NRG1: variants seen among roughly 807,000 people sequenced by gnomAD.
NRG1 encodes neuregulin 1.
Under a neutral mutation model 63.8 loss-of-function variants are expected in NRG1, and 18 were observed. That is an observed-to-expected ratio of 0.28 (90% confidence interval 0.19 to 0.42). NRG1 has a LOEUF of 0.42. Among genes scored for constraint, NRG1 ranks in the 10% least tolerant of loss-of-function variants. NRG1 has a pLI of 1.00. For missense variants in NRG1, 762 were observed against 814.7 expected (o/e 0.94, Z 0.79); for synonymous variants, 302 against 301.3 (o/e 1.00, Z -0.02).
chr8:31,856,830 C>G (rs768411784), intron 1 of NRG1, among the ~76,000 whole-genome samples: 1 of 152,206 alleles, frequency 6.6e-6, no homozygotes, highest in African/African-American at 2.4e-5. Flanking sequence ...TTCCTTCTAA[C>G]AGACAGGACC....
intron 1 of NRG1, among the ~76,000 whole-genome samples, chr8:32,265,405 C>T (rs1013701643): frequency 1.6e-4 from 24 of 151,996 alleles, no homozygotes; most frequent in Non-Finnish European, 3.1e-4. Context: ...TGATATTTAT[C>T]ATAGCTATAT....
chr8:32,196,153 A>G (rs1305936421), intron 1 of NRG1, among the ~76,000 whole-genome samples: 48 of 62,418 alleles, frequency 7.7e-4, no homozygotes, highest in Non-Finnish European at 1.5e-3. Context: ...GTGTGTGTGT[A>G]TTGGAAAGCA....
intron 1 of NRG1, among the ~76,000 whole-genome samples, chr8:31,942,772 AC>A (rs1801945682): frequency 6.6e-6 from 1 of 152,180 alleles, no homozygotes; most frequent in Admixed American, 6.5e-5. Context: ...CAAATGGCCA[AC>A]AAGCATATGG....
rs577364894 is a variant in NRG1 at position 32,151,590 on chromosome 8, A to G, written c.38-444238A>G. On this transcript the variant is annotated intron_variant, in intron 1 of 10. Coordinates refer to the NRG1 transcript ENST00000519301. ...GAAAACTTGAGTGGTGAACGGGAAA[A>G]TCTGTGAGGATCGGAAATGTAAGTC... is the stretch of plus-strand genomic sequence containing the variant. 4.5e-4 allele frequency among the ~76,000 whole-genome samples: 68 copies of G among 152,208 alleles called. 1 individual carries two copies. Among genetic ancestry groups the G allele is most frequent in the African/African-American group, 1.6e-3 (67 of 41,540 alleles).
chr8:32,548,893 G>C (rs1833514151), intron 1 of NRG1, 67 bp downstream of exon 1: 3 of 1,479,582 alleles, frequency 2.0e-6, no homozygotes, highest in Middle Eastern at 2.3e-4. Flanking sequence ...CCTCCTCCTC[G>C]GATGCCGTGG....
At chr8:31,787,190 A>C (rs553622098) in intron 1 of NRG1, among the ~76,000 whole-genome samples, 14 of 152,336 alleles carry the variant, frequency 9.2e-5, no homozygotes, top group Admixed American at 9.2e-4. Flanking sequence ...AAAAATACTA[A>C]ATTATAATAC....
intron 1 of NRG1, among the ~76,000 whole-genome samples, chr8:32,147,681 C>G (rs570107128): frequency 6.6e-6 from 1 of 152,150 alleles, no homozygotes; most frequent in African/African-American, 2.4e-5. Context: ...CTAACTCTAT[C>G]ACTGTCTTCT....
chr8:32,478,520 C>T, intron 1 of NRG1, among the ~76,000 whole-genome samples: 1 of 152,000 alleles, frequency 6.6e-6, no homozygotes, highest in East Asian at 1.9e-4. Flanking sequence ...GCAAACAAGC[C>T]AAAAAGAAAT....
At chr8:32,757,762 T>C (rs1241187848) in intron 9 of NRG1, among the ~76,000 whole-genome samples, 1 of 152,212 alleles carries the variant, frequency 6.6e-6, no homozygotes, top group Non-Finnish European at 1.5e-5. Context: ...TTCTTCAATA[T>C]AAAAACAGAC....
At chr8:32,248,356 A>C (rs1362325641) in intron 1 of NRG1, among the ~76,000 whole-genome samples, 1 of 152,110 alleles carries the variant, frequency 6.6e-6, no homozygotes, top group Non-Finnish European at 1.5e-5. Flanking sequence ...CACAACTTTT[A>C]ATAGCCATGC....
At chr8:32,142,872 C>T (rs1181404508) in intron 1 of NRG1, among the ~76,000 whole-genome samples, 11 of 152,058 alleles carry the variant, frequency 7.2e-5, no homozygotes, top group Non-Finnish European at 1.5e-5. Context: ...GAAAAGAATA[C>T]GTGTTAGAAT....
intron 5 of NRG1, among the ~76,000 whole-genome samples, chr8:32,680,342 G>A (rs1460707594): frequency 2.6e-5 from 4 of 152,136 alleles, no homozygotes; most frequent in African/African-American, 7.2e-5. Context: ...AGGGGTACCT[G>A]GGATGCTGAA....
At chr8:32,263,671 T>G (rs1850622763) in intron 1 of NRG1, among the ~76,000 whole-genome samples, 1 of 152,160 alleles carries the variant, frequency 6.6e-6, no homozygotes, top group South Asian at 2.1e-4. Context: ...TAAAAAAATA[T>G]TTTCCCCATA....
intron 1 of NRG1, among the ~76,000 whole-genome samples, chr8:32,267,337 T>C (rs1851085788): frequency 6.6e-6 from 1 of 152,212 alleles, no homozygotes; most frequent in Non-Finnish European, 1.5e-5. Flanking sequence ...AAATCCACTA[T>C]TCTTTGGAAA....
Position 32,754,490 on chromosome 8 carries a change from C to G in NRG1, c.794+16C>G, listed in dbSNP as rs1486736220. ...GCAAAACCAAGTAAACCTTCTTTCT[C>G]CATGCCTTTCTCTCTCCTTCATGCA... On this transcript the variant is annotated intron_variant, in intron 8 of 11. Transcript: ENST00000356819. The G allele has an allele frequency of 6.2e-7, 1 of 1,610,508 alleles. No homozygotes were observed. Among genetic ancestry groups the G allele is most frequent in the South Asian group, 1.1e-5 (1 of 90,598 alleles).
chr8:32,059,038 T>A (rs1056207727), intron 1 of NRG1, among the ~76,000 whole-genome samples: 1 of 152,104 alleles, frequency 6.6e-6, no homozygotes, highest in Non-Finnish European at 1.5e-5. Context: ...AATCATTTAA[T>A]GTTAGGTAAA....
chr8:31,825,508 T>C (rs1824461969), intron 1 of NRG1, among the ~76,000 whole-genome samples: 1 of 152,002 alleles, frequency 6.6e-6, no homozygotes, highest in South Asian at 2.1e-4. Flanking sequence ...TAAAAATGAG[T>C]ACAGTATTAA....
chr8:32,255,180 A>G (rs1301882090), intron 1 of NRG1, among the ~76,000 whole-genome samples: 4 of 152,292 alleles, frequency 2.6e-5, no homozygotes, highest in Non-Finnish European at 5.9e-5. Flanking sequence ...TGGGGCATTT[A>G]GCCCATTTAC....
At chr8:32,135,170 C>T (rs1835346735) in intron 1 of NRG1, among the ~76,000 whole-genome samples, 1 of 152,028 alleles carries the variant, frequency 6.6e-6, no homozygotes, top group South Asian at 2.1e-4. Flanking sequence ...GAAGAGAGAA[C>T]CAAGGCCAGA....
Sources: gnomAD v4.1 joint callset for allele counts (sites outside exome capture counted in the v4.1 genomes callset) on GRCh38, gnomAD v4.1.1 for gene constraint, MANE v1.5 for transcripts, NCBI Gene and HGNC (gene_info 2026-07-23, HGNC 2026-07-21) for gene names.